Variants in SLC37A2 observed in about 807,000 individuals in gnomAD.
The protein encoded by SLC37A2 is glucose-6-phosphate exchanger SLC37A2.
In SLC37A2, 59 loss-of-function variants were observed where a neutral mutation model predicts 70.7. That is an observed-to-expected ratio of 0.83 (90% CI 0.68 to 1.04). SLC37A2 has a LOEUF of 1.04. SLC37A2 is among the 50% of genes least tolerant of loss of function. The probability of loss-of-function intolerance (pLI) is 0.00; values close to 1 mark genes in which losing one functional copy is unlikely to be tolerated. For synonymous variants in SLC37A2, 257 were observed against 262.1 expected, an observed-to-expected ratio of 0.98 and a Z score of 0.19; for missense variants, 580 against 658.1, an observed-to-expected ratio of 0.88 and a Z score of 1.30.
intron 9 of SLC37A2, 25 bp downstream of exon 9, chr11:125,081,931 AAG>A (rs1270491996): frequency 6.3e-7 from 1 of 1,581,868 alleles, no homozygotes; most frequent in Admixed American, 1.8e-5. Flanking sequence ...GAATGGAGGA[AAG>A]AGAGGGGCTT....
At chr11:125,072,532 C>T (rs1949038958) in intron 1 of SLC37A2, among the ~76,000 whole-genome samples, 1 of 152,226 alleles carries the variant, frequency 6.6e-6, no homozygotes. Flanking sequence ...TGCCATCCCC[C>T]CGTCACAGCC....
chr11:125,065,912 T>C (rs1481119886), intron 1 of SLC37A2, among the ~76,000 whole-genome samples: 1 of 152,252 alleles, frequency 6.6e-6, no homozygotes, highest in East Asian at 1.9e-4. Flanking sequence ...TACTAAGTTC[T>C]TATGGGTTAA....
intron 14 of SLC37A2, 83 bp from the exon 15 acceptor site, chr11:125,085,309 CCTT>C: frequency 7.1e-7 from 1 of 1,413,360 alleles, no homozygotes; most frequent in Non-Finnish European, 9.8e-7. Context: ...CCAGTTACCA[CCTT>C]CCCTGAGTCA....
At chr11:125,076,615 C>T (rs1180195366) in intron 1 of SLC37A2, 142 bp from the exon 2 acceptor site, 1 of 743,322 alleles carries the variant, frequency 1.3e-6, no homozygotes, top group Admixed American at 2.2e-5. Context: ...CCAGCCTCCC[C>T]TTGGCCTCTG....
chr11:125,077,618 G>A, intron 4 of SLC37A2, 90 bp downstream of exon 4: 2 of 967,984 alleles, frequency 2.1e-6, no homozygotes, highest in Non-Finnish European at 3.1e-6. Flanking sequence ...CTGGGAATGA[G>A]CCCAGGGATG....
At chr11:125,081,644 C>G in intron 8 of SLC37A2, 110 bp from the exon 9 acceptor site, 2 of 1,441,974 alleles carry the variant, frequency 1.4e-6, no homozygotes, top group Non-Finnish European at 1.9e-6. Flanking sequence ...CCGAGACGAA[C>G]GTGTGCCTCC....
At chr11:125,079,651 C>A (rs773802439) in intron 5 of SLC37A2, 33 bp from the exon 6 acceptor site, 26 of 1,549,484 alleles carry the variant, frequency 1.7e-5, no homozygotes, top group Admixed American at 5.7e-5. Context: ...ACAGCCCAGG[C>A]CTGTTCCCAC....
intron 2 of SLC37A2, 21 bp from the exon 3 acceptor site, chr11:125,077,209 T>G (rs1949096768): frequency 2.6e-6 from 4 of 1,552,582 alleles, no homozygotes; most frequent in Non-Finnish European, 3.5e-6. Flanking sequence ...CCCTGACCTG[T>G]ATGTCCCATT....
At chr11:125,070,600 T>A (rs1034071583) in intron 1 of SLC37A2, among the ~76,000 whole-genome samples, 4 of 152,206 alleles carry the variant, frequency 2.6e-5, no homozygotes, top group African/African-American at 9.6e-5. Flanking sequence ...TACTTTCCTG[T>A]TGACTGCAAA....
At chr11:125,065,953 C>T (rs1948975873) in intron 1 of SLC37A2, among the ~76,000 whole-genome samples, 1 of 152,156 alleles carries the variant, frequency 6.6e-6, no homozygotes, top group African/African-American at 2.4e-5. Flanking sequence ...AAAGGTCTTC[C>T]TTATATGTCC....
intron 9 of SLC37A2, 67 bp from the exon 10 acceptor site, chr11:125,082,177 C>T (rs1383150292): frequency 2.7e-6 from 4 of 1,507,584 alleles, no homozygotes; most frequent in African/African-American, 2.7e-5. Flanking sequence ...CTGAGCACCC[C>T]TTGGGGCCAC....
intron 4 of SLC37A2, 144 bp downstream of exon 4, chr11:125,077,672 C>T (rs1048422676): frequency 9.6e-6 from 6 of 627,652 alleles, no homozygotes; most frequent in Non-Finnish European, 1.6e-5. Context: ...TGCCTTACCG[C>T]GGTCGCAGAG....
chr11:125,074,988 G>GA (rs1361860892), intron 1 of SLC37A2, among the ~76,000 whole-genome samples: 7 of 152,224 alleles, frequency 4.6e-5, no homozygotes, highest in Admixed American at 1.3e-4. Context: ...GGGACTGGGG[G>GA]AGAGTCATGC....
intron 1 of SLC37A2, among the ~76,000 whole-genome samples, chr11:125,072,724 T>G (rs1949041986): frequency 6.6e-6 from 1 of 152,260 alleles, no homozygotes; most frequent in Admixed American, 6.5e-5. Context: ...AGTCTTGGCC[T>G]CCGTCTAGCC....
At chr11:125,074,819 G>T (rs982451623) in intron 1 of SLC37A2, among the ~76,000 whole-genome samples, 2 of 152,226 alleles carry the variant, frequency 1.3e-5, no homozygotes, top group African/African-American at 4.8e-5. Context: ...CCCCAGTGGG[G>T]CCTTGGGTCC....
intron 4 of SLC37A2, 47 bp from the exon 5 acceptor site, chr11:125,079,065 G>T (rs759738321): frequency 6.2e-7 from 1 of 1,612,620 alleles, no homozygotes; most frequent in Non-Finnish European, 8.5e-7. Context: ...GGGAGTTGAG[G>T]TGGACACAGA....
At chr11:125,066,561 TG>T (rs754610959) in intron 1 of SLC37A2, among the ~76,000 whole-genome samples, 2 of 152,248 alleles carry the variant, frequency 1.3e-5, no homozygotes, top group Non-Finnish European at 2.9e-5. Context: ...ATGAATGATC[TG>T]ATGAGAATTC....
intron 1 of SLC37A2, among the ~76,000 whole-genome samples, chr11:125,073,670 A>G (rs1949052328): frequency 6.6e-6 from 1 of 152,276 alleles, no homozygotes; most frequent in Admixed American, 6.5e-5. Flanking sequence ...GATGTAAGGA[A>G]TGAAACCAGC....
Position 125,081,760 on chromosome 11 carries a change from C to A in SLC37A2, c.739C>A (p.Pro247Thr). The change falls in exon 9 of 18, where the codon CCA becomes ACA. Residue 247 changes from proline to threonine, a missense_variant. Pro to Thr is a conservative substitution (Grantham distance 38, BLOSUM62 -1). Transcript: ENST00000403796. The stretch of plus-strand genomic sequence containing the variant: ...GCTCATCTCCTCTGCTCAGGGTGAG[C>A]CAGCTGAGAACCAGGACAACCCTGA... ...DCAPPQHHGE[P>T]AENQDNPEDP... The A allele has an allele frequency of 6.3e-7, 1 of 1,596,480 alleles. No homozygotes were observed.
Sources: allele counts gnomAD v4.1 joint callset (sites outside exome capture counted in the v4.1 genomes callset), GRCh38; gene constraint gnomAD v4.1.1; transcripts MANE v1.5; gene names NCBI Gene and HGNC (gene_info 2026-07-23, HGNC 2026-07-21).